Variants in ZNF695 observed in about 807,000 individuals in gnomAD.
ZNF695 encodes zinc finger protein 695.
In ZNF695, 11 loss-of-function variants were observed where a neutral mutation model predicts 11.2. The observed-to-expected ratio is 0.98, with a 90% CI of 0.62 to 1.62. ZNF695 has a LOEUF of 1.62. Ranked by LOEUF, ZNF695 falls within the 40% of genes most tolerant of loss-of-function variation. The pLI, the probability that ZNF695 is intolerant of heterozygous loss-of-function variation, is 0.00. For missense variants in ZNF695, 559 were observed against 590.5 expected (o/e 0.95, Z 0.55); for synonymous variants, 190 against 201.4 (o/e 0.94, Z 0.48).
At position 246,947,356 on chromosome 1, in the gene ZNF695, C is replaced by T. The variant is rs528438672; in HGVS notation, c.489-1529G>A. Among the ~76,000 whole-genome samples, 11 of 151,870 alleles carry T rather than the reference C, an allele frequency of 7.2e-5. No homozygotes were observed. The South Asian group carries it at 1.5e-3, about 20-fold the overall frequency. On this transcript the variant is annotated intron_variant, in intron 5 of 5. Coordinates refer to the ZNF695 transcript ENST00000487338. ...CCCCTGCTTCAGCCTCTTGAGAAGC[C>T]GGGACTATTGGCATGCACCACTGTA...
chr1:246,987,663 A>G lies in ZNF695; in HGVS notation c.852T>C (p.Thr284=). 1.2e-6 allele frequency: 2 copies of G among 1,600,822 alleles called. No individual in the cohort carries two copies. Among genetic ancestry groups the G allele is most frequent in the African/African-American group, 1.3e-5 (1 of 74,280 alleles). ...GKAFNLCSVL[T]KHKKIHTGEK... Reference sequence around the variant, plus strand: ...CTCCAGTATGAATTTTCTTATGTTTAGTAAGAACTGAGCACAGGTTAAAAG... The same window carrying G: ...CTCCAGTATGAATTTTCTTATGTTTGGTAAGAACTGAGCACAGGTTAAAAG... The change falls in exon 4 of 4, where the codon ACT becomes ACC. Residue 284 remains threonine, a synonymous_variant. Coordinates refer to ENST00000339986, the MANE Select transcript of ZNF695 (RefSeq NM_020394.5).
At chr1:246,997,003 T>C (rs1669232041) in intron 3 of ZNF695, among the ~76,000 whole-genome samples, 1 of 152,202 alleles carries the variant, frequency 6.6e-6, no homozygotes, top group South Asian at 2.1e-4. Flanking sequence ...TGTTGCATTA[T>C]TCACTTTTGC....
intron 4 of ZNF695, among the ~76,000 whole-genome samples, chr1:246,973,318 G>C (rs1186574722): frequency 6.6e-6 from 1 of 152,108 alleles, no homozygotes; most frequent in Non-Finnish European, 1.5e-5. Context: ...CAAAGTGTTG[G>C]GATTACAGGC....
intron 3 of ZNF695, among the ~76,000 whole-genome samples, chr1:246,996,705 A>G (rs1669220143): frequency 6.6e-6 from 1 of 152,218 alleles, no homozygotes; most frequent in Non-Finnish European, 1.5e-5. Flanking sequence ...AAATATATAC[A>G]CCTACTATGT....
chr1:246,995,354 G>A (rs1430889851), intron 3 of ZNF695, among the ~76,000 whole-genome samples: 1 of 152,092 alleles, frequency 6.6e-6, no homozygotes, highest in Non-Finnish European at 1.5e-5. Flanking sequence ...TTAATATTAC[G>A]AAGATGTTCA....
intron 1 of ZNF695, among the ~76,000 whole-genome samples, chr1:247,005,921 A>C (rs1669519019): frequency 6.6e-6 from 1 of 152,106 alleles, no homozygotes; most frequent in African/African-American, 2.4e-5. Context: ...CAGAAAGAAA[A>C]TATTTTTTAA....
chr1:246,973,530 A>G (rs1668481650), intron 4 of ZNF695, among the ~76,000 whole-genome samples: 1 of 152,230 alleles, frequency 6.6e-6, no homozygotes. Context: ...CTATGTGGCT[A>G]TGGTGATTTC....
At chr1:246,998,906 T>C (rs1018465438) in intron 3 of ZNF695, among the ~76,000 whole-genome samples, 9 of 151,866 alleles carry the variant, frequency 5.9e-5, no homozygotes, top group Admixed American at 1.3e-4. Context: ...AGGTGGGGCT[T>C]GTAGTGAGCC....
intron 1 of ZNF695, among the ~76,000 whole-genome samples, chr1:247,004,033 T>A (rs1669466158): frequency 6.6e-6 from 1 of 152,280 alleles, no homozygotes; most frequent in African/African-American, 2.4e-5. Context: ...GCCAACATGG[T>A]GAAACCCTGT....
At chr1:246,948,917 T>C (rs1010514321) in intron 5 of ZNF695, among the ~76,000 whole-genome samples, 1 of 152,306 alleles carries the variant, frequency 6.6e-6, no homozygotes, top group Non-Finnish European at 1.5e-5. Flanking sequence ...CACAGAGCTG[T>C]TCTGAGAACG....
At chr1:246,999,090 G>A (rs1464948912) in intron 3 of ZNF695, among the ~76,000 whole-genome samples, 1 of 151,846 alleles carries the variant, frequency 6.6e-6, no homozygotes, top group Non-Finnish European at 1.5e-5. Context: ...GTCAGATCAT[G>A]CAGTCCCCTA....
In ZNF695 at chr1:246,960,471, A is replaced by G. The variant is rs985751715; in HGVS notation, c.488+7224T>C. 2.6e-5 allele frequency among the ~76,000 whole-genome samples: 4 copies of G among 152,228 alleles called. No individual in the cohort carries two copies. In the South Asian group the frequency reaches 8.3e-4, roughly 32 times the overall value. ...AACAGTTGGTATTGTGTAGCAGTAT[A>G]GAATACTACCTATGTTCTCTCTCTA... On this transcript the variant is annotated intron_variant, in intron 5 of 5. Transcript: ENST00000487338.
intron 5 of ZNF695, among the ~76,000 whole-genome samples, chr1:246,966,534 C>A (rs868347733): frequency 2.1e-4 from 32 of 152,036 alleles, no homozygotes; most frequent in African/African-American, 7.5e-4. Flanking sequence ...CCTGTAATCC[C>A]AGCACTTTGG....
At chr1:246,959,310 AATATATATATATATATAT>A (rs1158852538) in intron 5 of ZNF695, among the ~76,000 whole-genome samples, 1,109 of 51,238 alleles carry the variant, frequency 0.022, 41 homozygotes, top group East Asian at 0.063. Context: ...AAAAAAAAAA[AATATATATATATATATAT>A]ATATATATAT....
In ZNF695 at chr1:246,986,273, G is replaced by T; in HGVS notation, c.*694C>A. The T allele has an allele frequency of 1.4e-6, 1 of 716,980 alleles. No individual in the cohort carries two copies. Among genetic ancestry groups the T allele is most frequent in the Non-Finnish European group, 1.7e-6 (1 of 585,330 alleles). The allele number at this position is 716,980 out of a possible 1,614,324, so 44.4% of individuals were successfully genotyped here. ...TGTAGAGATGAGGTTTTGCCATGTT[G>T]CCCAGCCTGGTCCCAAACTCCTGGG... is the stretch of plus-strand genomic sequence containing the variant. On this transcript the variant is annotated 3_prime_UTR_variant, in exon 4 of 4. Transcript: ENST00000339986.
chr1:246,986,183 C>A lies in ZNF695; in HGVS notation c.*784G>T. The A allele has an allele frequency of 1.9e-6, 1 of 522,724 alleles. No homozygotes were observed. Among genetic ancestry groups the A allele is most frequent in the Non-Finnish European group, 2.5e-6 (1 of 407,284 alleles). The allele number at this position is 522,724 out of a possible 1,614,324, so 32.4% of individuals were successfully genotyped here. The stretch of plus-strand genomic sequence containing the variant: ...CTCCAGGCTCAAGCAATCCTCCCAC[C>A]TGAGCCTTCCAAGTAGCTGGGACAA... On this transcript the variant is annotated 3_prime_UTR_variant, in exon 4 of 4. Transcript: ENST00000339986.
intron 3 of ZNF695, among the ~76,000 whole-genome samples, chr1:246,990,318 A>T (rs1668994547): frequency 6.6e-6 from 1 of 152,234 alleles, no homozygotes; most frequent in African/African-American, 2.4e-5. Context: ...AGGAGTCACT[A>T]TACTGGTGTC....
At chr1:246,959,662 G>A (rs554862236) in intron 5 of ZNF695, among the ~76,000 whole-genome samples, 26 of 150,824 alleles carry the variant, frequency 1.7e-4, no homozygotes, top group African/African-American at 5.4e-4. Context: ...TCCTGACCTC[G>A]TGATCCACCA....
At chr1:246,957,642 G>C (rs1230089860) in intron 5 of ZNF695, among the ~76,000 whole-genome samples, 5 of 151,970 alleles carry the variant, frequency 3.3e-5, no homozygotes, top group African/African-American at 4.8e-5. Context: ...TGGCAGATTG[G>C]GTTTTTTTTT....
Sources: gnomAD v4.1 joint callset for allele counts (sites outside exome capture counted in the v4.1 genomes callset) on GRCh38, gnomAD v4.1.1 for gene constraint, MANE v1.5 for transcripts, NCBI Gene and HGNC (gene_info 2026-07-23, HGNC 2026-07-21) for gene names.